LRBA: variants seen among roughly 807,000 people sequenced by gnomAD.
LRBA encodes the protein LPS responsive beige-like anchor protein.
Under a neutral mutation model 330.0 loss-of-function variants are expected in LRBA, and 176 were observed. The observed-to-expected ratio is 0.53, with a 90% CI of 0.47 to 0.60. The LOEUF (loss-of-function observed/expected upper bound fraction) is 0.60. Among genes scored for constraint, LRBA ranks in the 20% least tolerant of loss-of-function variants. LRBA has a pLI of 0.00. For missense variants in LRBA, 3,259 were observed against 3,444.8 expected, an observed-to-expected ratio of 0.95 and a Z score of 1.35; for synonymous variants, 1,230 against 1,193.0, an observed-to-expected ratio of 1.03 and a Z score of -0.64.
At chr4:150,927,808 G>A (rs1418137573) in intron 4 of LRBA, among the ~76,000 whole-genome samples, 2 of 152,092 alleles carry the variant, frequency 1.3e-5, no homozygotes, top group Non-Finnish European at 2.9e-5. Context: ...AGAGAAATAT[G>A]CTAAAGAATC....
At chr4:150,860,696 A>G (rs1019398896) in intron 22 of LRBA, among the ~76,000 whole-genome samples, 1 of 152,034 alleles carries the variant, frequency 6.6e-6, no homozygotes, top group Non-Finnish European at 1.5e-5. Context: ...GCATGGTGGC[A>G]GGCGCCTGTA....
At chr4:150,325,997 G>T (rs372560073) in intron 48 of LRBA, 99 bp from the exon 49 acceptor site, 2 of 728,012 alleles carry the variant, frequency 2.7e-6, no homozygotes, top group African/African-American at 3.5e-5. Context: ...ACTCTGGCTT[G>T]TTTCATGCTG....
At chr4:150,545,838 A>G (rs960099632) in intron 40 of LRBA, among the ~76,000 whole-genome samples, 8 of 152,286 alleles carry the variant, frequency 5.3e-5, no homozygotes, top group African/African-American at 1.9e-4. Flanking sequence ...TAGAGTAAAA[A>G]TAATCTTGGT....
At chr4:150,489,919 A>T (rs1758691071) in intron 41 of LRBA, among the ~76,000 whole-genome samples, 1 of 150,724 alleles carries the variant, frequency 6.6e-6, no homozygotes, top group Non-Finnish European at 1.5e-5. Context: ...CAACAGAAAA[A>T]CACACATATA....
At chr4:150,936,560 C>G (rs1377947024) in intron 2 of LRBA, among the ~76,000 whole-genome samples, 1 of 151,874 alleles carries the variant, frequency 6.6e-6, no homozygotes, top group Non-Finnish European at 1.5e-5. Flanking sequence ...ACAAAAATCT[C>G]TAAGGCCATA....
chr4:150,678,940 T>C (rs2126896982), intron 37 of LRBA, among the ~76,000 whole-genome samples: 1 of 152,298 alleles, frequency 6.6e-6, no homozygotes, highest in African/African-American at 2.4e-5. Context: ...AAGTAAGGTA[T>C]ATTAGCATTT....
At chr4:150,884,807 C>T (rs1401959973) in intron 17 of LRBA, among the ~76,000 whole-genome samples, 1 of 151,810 alleles carries the variant, frequency 6.6e-6, no homozygotes, top group African/African-American at 2.4e-5. Flanking sequence ...AACCCATAAT[C>T]AGTAAAAGAG....
chr4:150,686,239 T>C (rs1205056341), intron 36 of LRBA, among the ~76,000 whole-genome samples: 1 of 152,142 alleles, frequency 6.6e-6, no homozygotes, highest in African/African-American at 2.4e-5. Context: ...CTGAGAGATG[T>C]TCACTGGTAA....
In LRBA at chr4:151,014,743, C is replaced by A; in HGVS notation, c.-101G>T. 1 of 757,810 alleles carries A rather than the reference C, an allele frequency of 1.3e-6. No homozygotes were observed. The highest frequency in any genetic ancestry group is 1.8e-5 in the South Asian group (1 of 54,266). 46.9% of individuals were successfully genotyped at this position (757,810 alleles called of 1,614,324 possible). On this transcript the variant is annotated 5_prime_UTR_variant, in exon 2 of 57. Coordinates refer to ENST00000651943, the MANE Select transcript of LRBA (RefSeq NM_001364905.1). ...CGCAATGCAAAACGAAAGGGTCCCT[C>A]TTCCAACTTGTGGAGATACCCCAAA...
At chr4:150,892,812 C>A (rs1729603477) in intron 17 of LRBA, among the ~76,000 whole-genome samples, 3 of 151,956 alleles carry the variant, frequency 2.0e-5, no homozygotes, top group South Asian at 2.1e-4. Flanking sequence ...ACTCACCATA[C>A]AAAATATTGG....
At chr4:150,617,139 G>GA (rs956642019) in intron 37 of LRBA, among the ~76,000 whole-genome samples, 4 of 151,850 alleles carry the variant, frequency 2.6e-5, no homozygotes, top group African/African-American at 7.3e-5. Context: ...AATGGTTCCT[G>GA]AAAAAAAATT....
intron 35 of LRBA, among the ~76,000 whole-genome samples, chr4:150,761,039 G>A (rs74741231): frequency 3.1e-4 from 47 of 152,162 alleles, no homozygotes; most frequent in African/African-American, 1.1e-3. Flanking sequence ...ATCGAACATT[G>A]CTGAAACAGT....
At chr4:150,874,470 C>A (rs948296996) in intron 17 of LRBA, among the ~76,000 whole-genome samples, 14 of 152,228 alleles carry the variant, frequency 9.2e-5, no homozygotes, top group African/African-American at 3.1e-4. Context: ...ATTGTGAAAA[C>A]TGCCTCAGCA....
chr4:150,722,944 C>T (rs530273873), intron 36 of LRBA, among the ~76,000 whole-genome samples: 1 of 152,138 alleles, frequency 6.6e-6, no homozygotes, highest in South Asian at 2.1e-4. Context: ...GGTCTCAGTG[C>T]TGCCCTGTCA....
At chr4:150,723,916 G>T (rs962147649) in intron 36 of LRBA, among the ~76,000 whole-genome samples, 3 of 152,226 alleles carry the variant, frequency 2.0e-5, no homozygotes, top group African/African-American at 7.2e-5. Flanking sequence ...ATCAGTGGTG[G>T]CCTGAAGGAA....
intron 2 of LRBA, among the ~76,000 whole-genome samples, chr4:150,966,552 T>TC (rs1456007732): frequency 2.7e-5 from 4 of 150,574 alleles, no homozygotes; most frequent in African/African-American, 7.3e-5. Flanking sequence ...GATCTTGATC[T>TC]CCCAACCTCG....
chr4:150,353,716 T>C, intron 47 of LRBA, among the ~76,000 whole-genome samples: 1 of 152,186 alleles, frequency 6.6e-6, no homozygotes, highest in East Asian at 1.9e-4. Flanking sequence ...CACAATGCCA[T>C]GGTTCAGACC....
chr4:150,366,019 C>T (rs1036050257), intron 47 of LRBA, among the ~76,000 whole-genome samples: 13 of 152,170 alleles, frequency 8.5e-5, no homozygotes, highest in African/African-American at 3.1e-4. Context: ...TCAAACTATT[C>T]AAAATATTGA....
intron 46 of LRBA, among the ~76,000 whole-genome samples, chr4:150,431,653 ATTTT>A (rs893736079): frequency 1.3e-5 from 2 of 151,604 alleles, no homozygotes; most frequent in African/African-American, 4.8e-5. Context: ...ATTAAAATTA[ATTTT>A]TTTTTACTTT....
Sources: allele counts gnomAD v4.1 joint callset (sites outside exome capture counted in the v4.1 genomes callset), GRCh38; gene constraint gnomAD v4.1.1; transcripts MANE v1.5; gene names NCBI Gene and HGNC (gene_info 2026-07-23, HGNC 2026-07-21).